LRP10: variants seen among roughly 807,000 people sequenced by gnomAD.
LRP10 encodes the protein low-density lipoprotein receptor-related protein 10.
In LRP10, 42 loss-of-function variants were observed where a neutral mutation model predicts 58.5. The observed-to-expected ratio is 0.72, with a 90% CI of 0.56 to 0.93. The LOEUF is 0.93. Among genes scored for constraint, LRP10 ranks in the 40% least tolerant of loss-of-function variants. LRP10 has a pLI of 0.00. For missense variants in LRP10, 872 were observed against 940.1 expected, an observed-to-expected ratio of 0.93 and a Z score of 0.95; for synonymous variants, 377 against 388.5, an observed-to-expected ratio of 0.97 and a Z score of 0.35.
At chr14:22,872,610 C>A (rs1200784746) in intron 1 of LRP10, 128 bp from the exon 2 acceptor site, 1 of 903,610 alleles carries the variant, frequency 1.1e-6, no homozygotes, top group Non-Finnish European at 1.7e-6. Flanking sequence ...GCAGCCCTCT[C>A]CCGCCCCCCA....
At chr14:22,872,689 A>G in intron 1 of LRP10, 49 bp from the exon 2 acceptor site, 1 of 1,590,776 alleles carries the variant, frequency 6.3e-7, no homozygotes, top group East Asian at 2.2e-5. Context: ...GAAGAAGAAA[A>G]CTCCTAAGGA....
At position 22,875,447 on chromosome 14, in the gene LRP10, G is replaced by T; in HGVS notation, c.499G>T (p.Asp167Tyr). ...CTGTGATGGGGTTGATGCCTGTGGCGATGGCTCTGATGAAGCAGGTTGCAG... is the reference window on the plus strand; with the variant it reads ...CTGTGATGGGGTTGATGCCTGTGGCTATGGCTCTGATGAAGCAGGTTGCAG... Reference protein sequence around the residue: ...QRCDGVDACGDGSDEAGCSSD... With the variant: ...QRCDGVDACGYGSDEAGCSSD... The change falls in exon 5 of 7, where the codon GAT (aspartate) becomes TAT (tyrosine). Residue 167 changes from aspartate (D) to tyrosine (Y), a missense_variant. Transcript: ENST00000359591. 1 of 1,614,174 alleles carries T rather than the reference G, an allele frequency of 6.2e-7. No individual in the cohort carries two copies. Among genetic ancestry groups the T allele is most frequent in the East Asian group, 2.2e-5 (1 of 44,884 alleles).
Position 22,877,733 on chromosome 14 carries a change from T to C in LRP10, c.*206T>C, listed in dbSNP as rs1334939094. ...GGGAGAGGGCTCACAGAGTCTCCTCTGTACGTGGCCATGGCCAGACACCCC... is the reference window on the plus strand; with the variant it reads ...GGGAGAGGGCTCACAGAGTCTCCTCCGTACGTGGCCATGGCCAGACACCCC... On this transcript the variant is annotated 3_prime_UTR_variant, in exon 7 of 7. Coordinates refer to ENST00000359591, the MANE Select transcript of LRP10 (RefSeq NM_014045.5). The surrounding 1 kb of genome is among the most constrained non-coding windows in gnomAD (Gnocchi z 5.1). 4 of 501,766 alleles carry C rather than the reference T, an allele frequency of 8.0e-6. No individual in the cohort carries two copies. Among genetic ancestry groups the C allele is most frequent in the Non-Finnish European group, 1.4e-5 (4 of 285,396 alleles). The allele number at this position is 501,766 out of a possible 1,614,324, so 31.1% of individuals were successfully genotyped here.
At position 22,878,950 on chromosome 14, in the gene LRP10, G is replaced by A; in HGVS notation, c.*1423G>A. On this transcript the variant is annotated 3_prime_UTR_variant, in exon 7 of 7. Transcript: ENST00000359591. ...AGAAGATGTAGAAGGAAGCTGTGGG[G>A]GTGGGAGTGATGCCTCAGGAACAAA... 3.3e-6 allele frequency: 1 copy of A among 301,776 alleles called. No individual in the cohort carries two copies. The highest frequency in any genetic ancestry group is 2.7e-5 in the South Asian group (1 of 37,652). The allele number at this position is 301,776 out of a possible 1,614,324, so 18.7% of individuals were successfully genotyped here.
chr14:22,874,699 C>G (rs1347412107), intron 3 of LRP10, among the ~76,000 whole-genome samples: 2 of 152,176 alleles, frequency 1.3e-5, no homozygotes, highest in African/African-American at 2.4e-5. Flanking sequence ...ACCAGCCTGA[C>G]CAACATGGTG....
At position 22,876,264 on chromosome 14, in the gene LRP10, G is replaced by C; in HGVS notation, c.1316G>C (p.Arg439Pro). Residue 439 changes from arginine to proline, a missense_variant, in exon 5 of 7, where the codon CGC becomes CCC. Transcript: ENST00000359591. ...DEWDCSYVLP[R>P]KVITAAVIGS... ...TGGGACTGCTCCTATGTTCTGCCCC[G>C]CAAGGTCATTACAGCTGCAGTCATT... 1 of 1,614,136 alleles carries C rather than the reference G, an allele frequency of 6.2e-7. No individual in the cohort carries two copies. The highest frequency in any genetic ancestry group is 8.5e-7 in the Non-Finnish European group (1 of 1,180,030).
In LRP10 at chr14:22,875,565, C is replaced by T. The variant is rs776310256; in HGVS notation, c.617C>T (p.Pro206Leu). Residue 206 changes from proline to leucine, a missense_variant, in exon 5 of 7, where the codon CCT becomes CTT. Coordinates refer to ENST00000359591, the MANE Select transcript of LRP10 (RefSeq NM_014045.5). ...GACTTCTATGGGGTCTTCTCCTCTCCTGGATATACACACCTAGCCTCAGTC... is the reference window on the plus strand; with the variant it reads ...GACTTCTATGGGGTCTTCTCCTCTCTTGGATATACACACCTAGCCTCAGTC... ...LEDFYGVFSS[P>L]GYTHLASVSH... The T allele has an allele frequency of 3.2e-5, 52 of 1,613,976 alleles. No homozygotes were observed. In the Admixed American group the frequency reaches 4.5e-4, roughly 14 times the overall value.
rs1142013 is a variant in LRP10, at chr14:22,880,819, C to G, written c.*3292C>G. Reference sequence around the variant, plus strand: ...AAGAGATCAAGACCATCCTGGCCAACATGGTGACACCGTGTCTCTACTAAA... The same window carrying G: ...AAGAGATCAAGACCATCCTGGCCAAGATGGTGACACCGTGTCTCTACTAAA... On this transcript the variant is annotated 3_prime_UTR_variant, in exon 7 of 7. Transcript: ENST00000359591. 0.12 allele frequency: 17,618 copies of G among 152,278 alleles called. 1,250 individuals are homozygous for G. Among genetic ancestry groups the G allele is most frequent in the East Asian group, 0.18 (935 of 5,180 alleles). 9.4% of individuals were successfully genotyped at this position (152,278 alleles called of 1,614,324 possible). A position where few individuals can be genotyped will look rare whatever the true frequency, so the allele number is the denominator to read the frequency against.
chr14:22,872,427 C>T (rs1052368714), intron 1 of LRP10, 90 bp downstream of exon 1: 68 of 1,479,168 alleles, frequency 4.6e-5, no homozygotes, highest in Middle Eastern at 3.5e-4. Context: ...CTCTATCCTG[C>T]CTGCCCATTC....
In LRP10 at chr14:22,881,037, A is replaced by T. The variant is rs1460956784; in HGVS notation, c.*3510A>T. Reference sequence around the variant, plus strand: ...AAAAAAGTGAGTGCCCGATGATGCCAGATTCTTCATCACCTGAAGTGAACC... The same window carrying T: ...AAAAAAGTGAGTGCCCGATGATGCCTGATTCTTCATCACCTGAAGTGAACC... On this transcript the variant is annotated 3_prime_UTR_variant, in exon 7 of 7. Coordinates refer to ENST00000359591, the MANE Select transcript of LRP10 (RefSeq NM_014045.5). 2 of 152,208 alleles carry T rather than the reference A, an allele frequency of 1.3e-5. No homozygotes were observed. Among genetic ancestry groups the T allele is most frequent in the Non-Finnish European group, 2.9e-5 (2 of 68,054 alleles). 9.4% of individuals were successfully genotyped at this position (152,208 alleles called of 1,614,324 possible).
rs2040029449 is a variant in LRP10 at position 22,878,360 on chromosome 14, T to C, written c.*833T>C. The C allele has an allele frequency of 6.6e-6, 1 of 152,180 alleles. No individual in the cohort carries two copies. The highest frequency in any genetic ancestry group is 1.5e-5 in the Non-Finnish European group (1 of 68,056). 9.4% of individuals were successfully genotyped at this position (152,180 alleles called of 1,614,324 possible). On this transcript the variant is annotated 3_prime_UTR_variant, in exon 7 of 7. Coordinates refer to ENST00000359591, the MANE Select transcript of LRP10 (RefSeq NM_014045.5). Reference sequence around the variant, plus strand: ...AGGGCCTCTTTCCTCACTGCCAGCATAGAAGTCAGGGGAGCCAGCTGGGCC... The same window carrying C: ...AGGGCCTCTTTCCTCACTGCCAGCACAGAAGTCAGGGGAGCCAGCTGGGCC...
At chr14:22,872,379 G>C in intron 1 of LRP10, 42 bp downstream of exon 1, 1 of 1,612,802 alleles carries the variant, frequency 6.2e-7, no homozygotes, top group South Asian at 1.1e-5. Flanking sequence ...TTCTGTCACC[G>C]GGCCAGCAGC....
At position 22,875,562 on chromosome 14, in the gene LRP10, C is replaced by T. The variant is rs566779010; in HGVS notation, c.614C>T (p.Ser205Phe). The change falls in exon 5 of 7, where the codon TCT (serine) becomes TTT (phenylalanine). Residue 205 changes from serine (S) to phenylalanine (F), a missense_variant. Coordinates refer to ENST00000359591, the MANE Select transcript of LRP10 (RefSeq NM_014045.5). Reference protein sequence around the residue: ...TLEDFYGVFSSPGYTHLASVS... With the variant: ...TLEDFYGVFSFPGYTHLASVS... ...GAGGACTTCTATGGGGTCTTCTCCT[C>T]TCCTGGATATACACACCTAGCCTCA... The T allele has an allele frequency of 2.2e-5, 36 of 1,614,100 alleles. No homozygotes were observed. The South Asian group carries it at 3.6e-4, about 16-fold the overall frequency.
Position 22,872,237 on chromosome 14 carries a change from C to CA in LRP10, c.-67_-66insA. 6.3e-7 allele frequency: 1 copy of CA among 1,579,320 alleles called. No homozygotes were observed. Among genetic ancestry groups the CA allele is most frequent in the Non-Finnish European group, 8.7e-7 (1 of 1,148,486 alleles). ...CAGGGAGCCTGGGCGCCCGGGGCTC[C>CA]GCCGCGACCCCATCGGGTAGACCAC... On this transcript the variant is annotated 5_prime_UTR_variant, in exon 1 of 7. The change abolishes the stop of an existing upstream ORF in the 5' untranslated region. Transcript: ENST00000359591.
Position 22,880,212 on chromosome 14 carries a change from T to C in LRP10, c.*2685T>C, listed in dbSNP as rs2040048023. The stretch of plus-strand genomic sequence containing the variant: ...CAACACGGTGAAACCCTGTCTCTAC[T>C]AAAATACAAAAAAGTAGCCAGGTGT... On this transcript the variant is annotated 3_prime_UTR_variant, in exon 7 of 7. Transcript: ENST00000359591. 6.7e-6 allele frequency: 1 copy of C among 149,912 alleles called. No homozygotes were observed. The highest frequency in any genetic ancestry group is 2.1e-4 in the South Asian group (1 of 4,686). The allele number at this position is 149,912 out of a possible 1,614,324, so 9.3% of individuals were successfully genotyped here. A position where few individuals can be genotyped will look rare whatever the true frequency, so the allele number is the denominator to read the frequency against.
In LRP10 at chr14:22,876,123, A is replaced by G. The variant is rs764716569; in HGVS notation, c.1175A>G (p.Asp392Gly). 1.9e-6 allele frequency: 3 copies of G among 1,614,206 alleles called. No homozygotes were observed. Among genetic ancestry groups the G allele is most frequent in the Non-Finnish European group, 2.5e-6 (3 of 1,180,058 alleles). The change falls in exon 5 of 7, where the codon GAT (aspartate) becomes GGT (glycine). Residue 392 changes from aspartate (D) to glycine (G), a missense_variant. Transcript: ENST00000359591. ...CAGACTTTCTGTGCTGATGGAGCAG[A>G]TGAGAGACGCTGTCGGCATTGCCAG... ...NYQTFCADGA[D>G]ERRCRHCQPG...
rs2040047962 is a variant in LRP10, at chr14:22,880,208, C to T, written c.*2681C>T. 6.6e-6 allele frequency: 1 copy of T among 152,060 alleles called. No homozygotes were observed. The highest frequency in any genetic ancestry group is 1.5e-5 in the Non-Finnish European group (1 of 68,040). 9.4% of individuals were successfully genotyped at this position (152,060 alleles called of 1,614,324 possible). On this transcript the variant is annotated 3_prime_UTR_variant, in exon 7 of 7. Coordinates refer to ENST00000359591, the MANE Select transcript of LRP10 (RefSeq NM_014045.5). The stretch of plus-strand genomic sequence containing the variant: ...TGAGCAACACGGTGAAACCCTGTCT[C>T]TACTAAAATACAAAAAAGTAGCCAG...
Position 22,875,414 on chromosome 14 carries a change from G to T in LRP10, c.466G>T (p.Val156Phe). 1 of 1,614,182 alleles carries T rather than the reference G, an allele frequency of 6.2e-7. No homozygotes were observed. The highest frequency in any genetic ancestry group is 8.5e-7 in the Non-Finnish European group (1 of 1,180,030). Residue 156 changes from valine (V) to phenylalanine (F), a missense_variant, in exon 5 of 7, where the codon GTC (valine) becomes TTC (phenylalanine). Transcript: ENST00000359591. ...CCTGAACCACCGCTGTGTATCTGCTGTCCAGCGCTGTGATGGGGTTGATGC... is the reference window on the plus strand; with the variant it reads ...CCTGAACCACCGCTGTGTATCTGCTTTCCAGCGCTGTGATGGGGTTGATGC... ...QCLNHRCVSA[V>F]QRCDGVDACG... is the part of the protein sequence containing the mutation.
rs1314441733 is a variant in LRP10, at chr14:22,878,101, CGAGCCT to C, written c.*580_*585del. ...ATCTCAAAATTTTGCAAATTAGCTGCGAGCCTGAGCCCCGCCTCTGCCCATCTCAGT... is the reference window on the plus strand; with the variant it reads ...ATCTCAAAATTTTGCAAATTAGCTGCGAGCCCCGCCTCTGCCCATCTCAGT... On this transcript the variant is annotated 3_prime_UTR_variant, in exon 7 of 7. Coordinates refer to ENST00000359591, the MANE Select transcript of LRP10 (RefSeq NM_014045.5). The C allele has an allele frequency of 6.6e-6, 1 of 152,320 alleles. No homozygotes were observed. Among genetic ancestry groups the C allele is most frequent in the Non-Finnish European group, 1.5e-5 (1 of 68,128 alleles). The allele number at this position is 152,320 out of a possible 1,614,324, so 9.4% of individuals were successfully genotyped here. A position where few individuals can be genotyped will look rare whatever the true frequency, so the allele number is the denominator to read the frequency against.
Sources: allele counts gnomAD v4.1 joint callset (sites outside exome capture counted in the v4.1 genomes callset), GRCh38; gene constraint gnomAD v4.1.1; non-coding constraint Gnocchi (gnomAD v3.1); transcripts MANE v1.5; gene names NCBI Gene and HGNC (gene_info 2026-07-23, HGNC 2026-07-21).